DLG5: variants seen among roughly 807,000 people sequenced by gnomAD.
The protein encoded by DLG5 is discs large MAGUK scaffold protein 5.
DLG5 carries 48 observed loss-of-function variants against 189.8 expected under a neutral mutation model. That is an observed-to-expected ratio of 0.25 (90% CI 0.20 to 0.32). DLG5 has a LOEUF of 0.32. Among genes scored for constraint, DLG5 ranks in the 10% least tolerant of loss-of-function variants. The pLI, the probability that DLG5 is intolerant of heterozygous loss-of-function variation, is 1.00. For missense variants in DLG5, 2,160 were observed against 2,544.7 expected, an observed-to-expected ratio of 0.85 and a Z score of 3.25; for synonymous variants, 1,016 against 1,054.1, an observed-to-expected ratio of 0.96 and a Z score of 0.70.
At chr10:77,846,494 C>T (rs895281785) in intron 5 of DLG5, among the ~76,000 whole-genome samples, 2 of 151,894 alleles carry the variant, frequency 1.3e-5, no homozygotes, top group Non-Finnish European at 2.9e-5. Context: ...ATTGGAAGTT[C>T]CAGACCAGCC....
the DLG5 span, among the ~76,000 whole-genome samples, chr10:77,934,967 C>T: frequency 6.6e-6 from 1 of 151,576 alleles, no homozygotes; most frequent in Admixed American, 6.6e-5. Flanking sequence ...ATGCCATTCT[C>T]CTGCCTCAGC....
In DLG5 at chr10:77,794,974, CAG is replaced by C. The variant is rs1489967738; in HGVS notation, c.5437-18_5437-17del. 1.2e-6 allele frequency: 2 copies of C among 1,609,636 alleles called. No individual in the cohort carries two copies. The highest frequency in any genetic ancestry group is 3.3e-5 in the Admixed American group (2 of 59,722). On this transcript the variant is annotated splice_polypyrimidine_tract_variant and intron_variant, in intron 29 of 31. Coordinates refer to ENST00000372391, the MANE Select transcript of DLG5 (RefSeq NM_004747.4). ...AGTGTCGGTTCTGGGGTGGGGGGTGCAGAGTGAGCCCTGGCGGGCAGTGAGGG... is the reference window on the plus strand; with the variant it reads ...AGTGTCGGTTCTGGGGTGGGGGGTGCAGTGAGCCCTGGCGGGCAGTGAGGG...
At chr10:77,901,114 CA>C (rs34724408) in intron 1 of DLG5, among the ~76,000 whole-genome samples, 603 of 52,698 alleles carry the variant, frequency 0.011, 1 homozygote, top group South Asian at 0.046. Flanking sequence ...AACTCCATCT[CA>C]AAAAAAAAAA....
intron 8 of DLG5, among the ~76,000 whole-genome samples, chr10:77,835,393 C>T (rs938455617): frequency 6.6e-6 from 1 of 152,182 alleles, no homozygotes; most frequent in Non-Finnish European, 1.5e-5. Context: ...ACACAGTAGG[C>T]GCCCGGTGAA....
At chr10:77,837,107 T>C (rs1488530900) in intron 7 of DLG5, among the ~76,000 whole-genome samples, 1 of 147,882 alleles carries the variant, frequency 6.8e-6, no homozygotes, top group African/African-American at 2.5e-5. Context: ...CCCAGCTACA[T>C]GGGAGACTGA....
At chr10:77,805,470 G>A (rs920257591) in intron 27 of DLG5, among the ~76,000 whole-genome samples, 195 bp downstream of exon 27, 1 of 152,212 alleles carries the variant, frequency 6.6e-6, no homozygotes, top group African/African-American at 2.4e-5. Context: ...CGGTGACTGG[G>A]AGGATGGAAG....
chr10:77,812,947 G>T (rs1841855495), intron 20 of DLG5, among the ~76,000 whole-genome samples: 1 of 152,238 alleles, frequency 6.6e-6, no homozygotes, highest in Non-Finnish European at 1.5e-5. Flanking sequence ...GCACCCAAGG[G>T]CGCCGGGGCA....
At chr10:77,844,917 T>G (rs973523893) in intron 5 of DLG5, among the ~76,000 whole-genome samples, 40 of 151,702 alleles carry the variant, frequency 2.6e-4, no homozygotes, top group Non-Finnish European at 3.1e-4. Context: ...AGGCGTGTTC[T>G]AGAGACAGAG....
chr10:77,889,064 C>T (rs1375573044), intron 1 of DLG5, among the ~76,000 whole-genome samples: 1 of 145,620 alleles, frequency 6.9e-6, no homozygotes, highest in Non-Finnish European at 1.5e-5. Context: ...CAGGTAACCT[C>T]CCAGGCCTCA....
intron 2 of DLG5, among the ~76,000 whole-genome samples, chr10:77,864,987 T>G (rs899380616): frequency 6.6e-6 from 1 of 152,148 alleles, no homozygotes; most frequent in Admixed American, 6.5e-5. Flanking sequence ...CATGGCCAAC[T>G]ACTTCCCAGC....
At chr10:77,804,308 TAAG>T (rs1432446520) in intron 27 of DLG5, among the ~76,000 whole-genome samples, 1 of 152,238 alleles carries the variant, frequency 6.6e-6, no homozygotes, top group Admixed American at 6.5e-5. Flanking sequence ...TCTTACATTT[TAAG>T]AAGTGTAAAA....
At chr10:77,871,484 G>A (rs1844895181) in intron 1 of DLG5, among the ~76,000 whole-genome samples, 1 of 146,658 alleles carries the variant, frequency 6.8e-6, no homozygotes, top group East Asian at 2.0e-4. Flanking sequence ...TAGTTTTGCT[G>A]TACATTCAAT....
chr10:77,881,241 T>C (rs897123123), intron 1 of DLG5, among the ~76,000 whole-genome samples: 2 of 152,136 alleles, frequency 1.3e-5, no homozygotes, highest in Non-Finnish European at 1.5e-5. Flanking sequence ...GAAAAAGTGA[T>C]ACTCACTAGT....
chr10:77,818,512 T>C (rs1394665063), intron 17 of DLG5, among the ~76,000 whole-genome samples: 1 of 152,168 alleles, frequency 6.6e-6, no homozygotes, highest in Non-Finnish European at 1.5e-5. Context: ...CTCAAACCTC[T>C]TCTTGACTCG....
rs776476962 is a variant in DLG5 at position 77,812,238 on chromosome 10, C to T, written c.4165G>A (p.Glu1389Lys). The T allele has an allele frequency of 7.4e-6, 12 of 1,613,858 alleles. No homozygotes were observed. Among genetic ancestry groups the T allele is most frequent in the South Asian group, 3.3e-5 (3 of 91,078 alleles). The stretch of plus-strand genomic sequence containing the variant: ...ACCTCCAGTAACTGATCCCCATACT[C>T]GAGGCCAGCCTGGTGAGCGATGCTC... ...VGSIAHQAGL[E>K]YGDQLLEFNG... The change falls in exon 21 of 32, where the codon GAG becomes AAG. Residue 1389 changes from glutamate (E) to lysine (K), a missense_variant. This residue lies in a region of DLG5 where 61 missense variants were observed against 101.0 expected (regional missense o/e 0.60). Transcript: ENST00000372391.
chr10:77,914,036 T>A (rs578061162), intron 1 of DLG5, among the ~76,000 whole-genome samples: 1 of 152,318 alleles, frequency 6.6e-6, no homozygotes, highest in Non-Finnish European at 1.5e-5. Context: ...TCAGGTCTTA[T>A]CACATACCCT....
intron 7 of DLG5, among the ~76,000 whole-genome samples, chr10:77,839,506 A>G (rs1470510919): frequency 1.3e-5 from 2 of 152,198 alleles, no homozygotes; most frequent in African/African-American, 4.8e-5. Flanking sequence ...ATCTCAAAAA[A>G]AGAAAGAAAG....
At chr10:77,879,644 T>A (rs1845214073) in intron 1 of DLG5, among the ~76,000 whole-genome samples, 1 of 151,390 alleles carries the variant, frequency 6.6e-6, no homozygotes, top group African/African-American at 2.4e-5. Context: ...TTTTCTTTCT[T>A]TCCTATTCCA....
At chr10:77,851,316 A>C (rs923107077) in intron 5 of DLG5, among the ~76,000 whole-genome samples, 1 of 152,216 alleles carries the variant, frequency 6.6e-6, no homozygotes, top group Non-Finnish European at 1.5e-5. Context: ...TGACATGCAC[A>C]AGGAAGGGTC....
Sources: gnomAD v4.1 joint callset for allele counts (sites outside exome capture counted in the v4.1 genomes callset) on GRCh38, gnomAD v4.1.1 for gene constraint, gnomAD v4.1.1 regional missense constraint, MANE v1.5 for transcripts, NCBI Gene and HGNC (gene_info 2026-07-23, HGNC 2026-07-21) for gene names.